Variants in TYR observed in about 807,000 individuals in gnomAD.
The protein encoded by TYR is LB24-AB.
TYR carries 58 observed loss-of-function variants against 51.5 expected under a neutral mutation model. The observed-to-expected ratio is 1.13, with a 90% CI of 0.91 to 1.40. The LOEUF (loss-of-function observed/expected upper bound fraction) is 1.40, where lower values mean the gene tolerates loss of function less well. Ranked by LOEUF, TYR falls within the 40% of genes most tolerant of loss-of-function variation. The pLI is 0.00. For synonymous variants in TYR, 263 were observed against 235.2 expected (o/e 1.12, Z -1.08); for missense variants, 732 against 647.4 (o/e 1.13, Z -1.42).
In TYR at chr11:89,186,934, G is replaced by T. The variant is rs184680391; in HGVS notation, c.820-4268G>T. Among the ~76,000 whole-genome samples, 278 of 152,272 alleles carry T rather than the reference G, an allele frequency of 1.8e-3. 1 individual carries two copies. Among genetic ancestry groups the T allele is most frequent in the African/African-American group, 6.3e-3 (262 of 41,562 alleles). Reference sequence around the variant, plus strand: ...AACGGCAATGTGAAGACAGAGAAAAGGTTTCCTCTGCAAGACATAAGAGAG... The same window carrying T: ...AACGGCAATGTGAAGACAGAGAAAATGTTTCCTCTGCAAGACATAAGAGAG... On this transcript the variant is annotated intron_variant, in intron 1 of 4. Coordinates refer to ENST00000263321, the MANE Select transcript of TYR (RefSeq NM_000372.5).
At chr11:89,236,233 C>T (rs987542441) in intron 3 of TYR, among the ~76,000 whole-genome samples, 10 of 129,698 alleles carry the variant, frequency 7.7e-5, no homozygotes, top group Non-Finnish European at 1.5e-4. Flanking sequence ...CTCACACACA[C>T]ATACACACAC....
chr11:89,252,014 C>T (rs928016862), intron 3 of TYR, among the ~76,000 whole-genome samples: 3 of 151,786 alleles, frequency 2.0e-5, no homozygotes, highest in East Asian at 1.9e-4. Context: ...CCATATATTT[C>T]CTTTTATCCT....
chr11:89,234,483 G>T (rs2135286485), intron 3 of TYR, among the ~76,000 whole-genome samples: 1 of 143,710 alleles, frequency 7.0e-6, no homozygotes, highest in East Asian at 2.0e-4. Context: ...AAGAGGCCTA[G>T]CTTTCAGCCT....
intron 4 of TYR, among the ~76,000 whole-genome samples, chr11:89,291,617 G>C (rs1944854133): frequency 6.6e-6 from 1 of 151,818 alleles, no homozygotes. Context: ...CACATAAGTT[G>C]TTAAGCATAT....
intron 3 of TYR, among the ~76,000 whole-genome samples, chr11:89,262,251 G>A (rs1944465576): frequency 6.6e-6 from 1 of 151,972 alleles, no homozygotes; most frequent in Non-Finnish European, 1.5e-5. Flanking sequence ...TAGAGACAGG[G>A]TTTCACCATG....
intron 1 of TYR, among the ~76,000 whole-genome samples, chr11:89,182,402 A>G (rs7129973): frequency 0.5 from 75,572 of 151,984 alleles, 21,399 homozygotes; most frequent in African/African-American, 0.79. Flanking sequence ...AATGTCAACA[A>G]TAGCCACTTA....
chr11:89,222,050 G>T (rs1029538456), intron 2 of TYR, among the ~76,000 whole-genome samples: 7 of 152,158 alleles, frequency 4.6e-5, no homozygotes, highest in African/African-American at 1.7e-4. Context: ...ATTTTCAAAG[G>T]AACATGGAAC....
At chr11:89,281,452 G>C (rs768762335) in intron 3 of TYR, among the ~76,000 whole-genome samples, 1 of 151,680 alleles carries the variant, frequency 6.6e-6, no homozygotes, top group Non-Finnish European at 1.5e-5. Context: ...CAAACATGTG[G>C]AAGTTCCCCT....
rs937146056 is a variant in TYR at position 89,295,032 on chromosome 11, C to A, written c.1367-111C>A. Reference sequence around the variant, plus strand: ...CTCTTACAGTTAATAAGTAGTAGAGCTGGCCTTCAAACCCAGGTGTCTACT... The same window carrying A: ...CTCTTACAGTTAATAAGTAGTAGAGATGGCCTTCAAACCCAGGTGTCTACT... On this transcript the variant is annotated intron_variant, in intron 4 of 4. Transcript: ENST00000263321. 5.3e-6 allele frequency: 8 copies of A among 1,522,768 alleles called. No homozygotes were observed. In the African/African-American group the frequency reaches 8.3e-5, roughly 16 times the overall value. 94.3% of individuals were successfully genotyped at this position (1,522,768 alleles called of 1,614,324 possible). A position where few individuals can be genotyped will look rare whatever the true frequency, so the allele number is the denominator to read the frequency against.
At chr11:89,206,099 T>C (rs1006205423) in intron 2 of TYR, among the ~76,000 whole-genome samples, 1 of 151,670 alleles carries the variant, frequency 6.6e-6, no homozygotes, top group Non-Finnish European at 1.5e-5. Context: ...ACAGGAAAAA[T>C]GAACCAAAAA....
Position 89,227,849 on chromosome 11 carries a change from G to C in TYR, c.1063G>C (p.Ala355Pro), listed in dbSNP as rs62645908. 20 of 1,612,982 alleles carry C rather than the reference G, an allele frequency of 1.2e-5. No homozygotes were observed. The highest frequency in any genetic ancestry group is 3.3e-5 in the Admixed American group (2 of 59,854). ...ATTTGCTAGTCCACTTACTGGGATAGCGGATGCCTCTCAAAGCAGCATGCA... is the reference window on the plus strand; with the variant it reads ...ATTTGCTAGTCCACTTACTGGGATACCGGATGCCTCTCAAAGCAGCATGCA... ...EGFASPLTGI[A>P]DASQSSMHNA... The change falls in exon 3 of 5, where the codon GCG (alanine) becomes CCG (proline). Residue 355 changes from alanine to proline, a missense_variant. Transcript: ENST00000263321.
chr11:89,188,499 A>T (rs1010450876), intron 1 of TYR, among the ~76,000 whole-genome samples: 3 of 152,030 alleles, frequency 2.0e-5, no homozygotes, highest in African/African-American at 7.2e-5. Flanking sequence ...TTCTCAATGG[A>T]GGAGTGGGAA....
In TYR at chr11:89,295,173, C is replaced by T. The variant is rs540671125; in HGVS notation, c.1397C>T (p.Ser466Phe). Reference protein sequence around the residue: ...DPDSFQDYIKSYLEQASRIWS... With the variant: ...DPDSFQDYIKFYLEQASRIWS... Reference sequence around the variant, plus strand: ...GACTCTTTTCAAGACTACATTAAGTCCTATTTGGAACAAGCGAGTCGGATC... The same window carrying T: ...GACTCTTTTCAAGACTACATTAAGTTCTATTTGGAACAAGCGAGTCGGATC... Residue 466 changes from serine (S) to phenylalanine (F), a missense_variant, in exon 5 of 5, where the codon TCC (serine) becomes TTC (phenylalanine). Physicochemically the swap from Ser to Phe is radical, Grantham distance 155. Transcript: ENST00000263321. 20 of 1,613,936 alleles carry T rather than the reference C, an allele frequency of 1.2e-5. No homozygotes were observed. The South Asian group carries it at 1.9e-4, about 15-fold the overall frequency.
intron 3 of TYR, among the ~76,000 whole-genome samples, chr11:89,271,112 A>G (rs767518761): frequency 5.3e-5 from 8 of 151,986 alleles, no homozygotes; most frequent in Non-Finnish European, 8.8e-5. Flanking sequence ...AAATCCCAAA[A>G]CAAAGTATTT....
At chr11:89,290,755 T>C (rs1482009753) in intron 4 of TYR, among the ~76,000 whole-genome samples, 2 of 152,036 alleles carry the variant, frequency 1.3e-5, no homozygotes, top group Admixed American at 6.6e-5. Context: ...TGCTCTAGAC[T>C]TGAGTCACAT....
chr11:89,224,965 AT>A (rs1270879310), intron 2 of TYR, among the ~76,000 whole-genome samples: 1 of 151,912 alleles, frequency 6.6e-6, no homozygotes, highest in East Asian at 1.9e-4. Context: ...TTATTAGCAT[AT>A]TTAGCTCAAA....
At chr11:89,255,705 A>G (rs1944382503) in intron 3 of TYR, among the ~76,000 whole-genome samples, 1 of 151,724 alleles carries the variant, frequency 6.6e-6, no homozygotes, top group Admixed American at 6.6e-5. Flanking sequence ...ATAATTCATA[A>G]TGTCTACTTC....
chr11:89,243,405 AT>A (rs1309368643), intron 3 of TYR, among the ~76,000 whole-genome samples: 1 of 152,300 alleles, frequency 6.6e-6, no homozygotes, highest in East Asian at 1.9e-4. Context: ...TAGTTCAAGC[AT>A]CACCTTGTCA....
At chr11:89,229,604 G>C (rs1458595739) in intron 3 of TYR, among the ~76,000 whole-genome samples, 1 of 151,750 alleles carries the variant, frequency 6.6e-6, no homozygotes, top group Non-Finnish European at 1.5e-5. Context: ...AAAGGAAGAG[G>C]ATATTGTTTC....
Sources: gnomAD v4.1 joint callset for allele counts (sites outside exome capture counted in the v4.1 genomes callset) on GRCh38, gnomAD v4.1.1 for gene constraint, MANE v1.5 for transcripts, NCBI Gene and HGNC (gene_info 2026-07-23, HGNC 2026-07-21) for gene names.